Variants in PPM1E observed in about 807,000 individuals in gnomAD.
PPM1E encodes the protein protein phosphatase 1E.
A neutral mutation model predicts 65.9 loss-of-function variants in PPM1E; 20 were observed. That is an observed-to-expected ratio of 0.30 (90% CI 0.21 to 0.44). PPM1E has a LOEUF of 0.44. Among genes scored for constraint, PPM1E ranks in the 20% least tolerant of loss-of-function variants. PPM1E has a pLI of 1.00. For missense variants in PPM1E, 713 were observed against 953.1 expected (o/e 0.75, Z 3.32); for synonymous variants, 352 against 374.9 (o/e 0.94, Z 0.70).
At chr17:58,805,974 C>CAAA (rs1341289870) in intron 1 of PPM1E, among the ~76,000 whole-genome samples, 1 of 74,030 alleles carries the variant, frequency 1.4e-5, no homozygotes, top group African/African-American at 5.9e-5. Flanking sequence ...AAAAAAAAAA[C>CAAA]AAAAAAAAAA....
intron 1 of PPM1E, 63 bp downstream of exon 1, chr17:58,756,524 G>A: frequency 1.6e-6 from 2 of 1,257,808 alleles, no homozygotes; most frequent in Non-Finnish European, 2.0e-6. Flanking sequence ...CCTCGGACGC[G>A]GCTCCCTCGG....
chr17:58,977,440 CAA>C (rs1282159101), intron 6 of PPM1E, among the ~76,000 whole-genome samples: 27 of 62,004 alleles, frequency 4.4e-4, no homozygotes, highest in Non-Finnish European at 4.4e-4. Flanking sequence ...GACTCTGTCT[CAA>C]AAAAAAAAAA....
At chr17:58,843,356 T>A (rs2050739446) in intron 1 of PPM1E, among the ~76,000 whole-genome samples, 1 of 148,646 alleles carries the variant, frequency 6.7e-6, no homozygotes, top group Non-Finnish European at 1.5e-5. Context: ...TAAATAAAAA[T>A]TAAAATAAAA....
In PPM1E at chr17:58,967,803, C is replaced by CTTTTTTTTTTTT. The variant is rs1164198879; in HGVS notation, c.784-1732_784-1721dup. On this transcript the variant is annotated intron_variant, in intron 3 of 6. Coordinates refer to ENST00000308249, the MANE Select transcript of PPM1E (RefSeq NM_014906.5). ...TTCTACCTGTCAGCATTCTTTATTT[C>CTTTTTTTTTTTT]TTTTTTTTTTTTTTTGAAACGGAGT... 1.4e-5 allele frequency among the ~76,000 whole-genome samples: 2 copies of CTTTTTTTTTTTT among 138,054 alleles called. 1 individual carries two copies. The allele number at this position is 138,054 out of a possible 152,430, so 90.6% of individuals were successfully genotyped here. A position where few individuals can be genotyped will look rare whatever the true frequency, so the allele number is the denominator to read the frequency against.
chr17:58,898,710 A>G (rs2051456318), intron 1 of PPM1E, among the ~76,000 whole-genome samples: 1 of 152,216 alleles, frequency 6.6e-6, no homozygotes, highest in East Asian at 1.9e-4. Context: ...ACATGCACAC[A>G]TATGTTTATT....
At chr17:58,881,686 A>G (rs761102509) in intron 1 of PPM1E, among the ~76,000 whole-genome samples, 7 of 151,584 alleles carry the variant, frequency 4.6e-5, no homozygotes, top group Non-Finnish European at 7.4e-5. Context: ...AAAAAACAAA[A>G]CATAAAAATT....
Position 58,756,576 on chromosome 17 carries a change from C to T in PPM1E, c.464+115C>T, listed in dbSNP as rs556425986. On this transcript the variant is annotated intron_variant, in intron 1 of 6. Transcript: ENST00000308249. ...CTTTTCTGCTCCTCTCCCCCGCACC[C>T]GCGCCTGCCGCCGCTGAAAGCGCCC... 3.2e-5 allele frequency: 37 copies of T among 1,166,546 alleles called. 2 individuals carry two copies. The South Asian group carries it at 1.2e-3, about 39-fold the overall frequency. The allele number at this position is 1,166,546 out of a possible 1,614,324, so 72.3% of individuals were successfully genotyped here. A position where few individuals can be genotyped will look rare whatever the true frequency, so the allele number is the denominator to read the frequency against.
chr17:58,757,616 A>G (rs1469609098), intron 1 of PPM1E, among the ~76,000 whole-genome samples: 1 of 152,204 alleles, frequency 6.6e-6, no homozygotes, highest in Non-Finnish European at 1.5e-5. Context: ...TCAAAAGCCT[A>G]AAGAAAAGAA....
chr17:58,929,434 T>C (rs2051864915), intron 1 of PPM1E, among the ~76,000 whole-genome samples: 1 of 152,204 alleles, frequency 6.6e-6, no homozygotes, highest in East Asian at 1.9e-4. Flanking sequence ...ATGTGTTTTA[T>C]TATATGTAAA....
intron 1 of PPM1E, among the ~76,000 whole-genome samples, chr17:58,778,923 CATACATAT>C (rs1371418312): frequency 4.9e-5 from 3 of 61,778 alleles, no homozygotes; most frequent in African/African-American, 2.0e-4. Context: ...TGAGATGATA[CATACATAT>C]ATATATATAT....
chr17:58,852,171 C>T (rs958480436), intron 1 of PPM1E, among the ~76,000 whole-genome samples: 1 of 152,098 alleles, frequency 6.6e-6, no homozygotes, highest in South Asian at 2.1e-4. Context: ...TTCCAGGTAC[C>T]ATCTGTCACG....
At chr17:58,921,933 G>A (rs909398708) in intron 1 of PPM1E, among the ~76,000 whole-genome samples, 6 of 151,632 alleles carry the variant, frequency 4.0e-5, no homozygotes, top group African/African-American at 1.2e-4. Context: ...CCAGCTACTC[G>A]GGAGGCTGAG....
chr17:58,889,852 G>T (rs1567865517), intron 1 of PPM1E, among the ~76,000 whole-genome samples: 1 of 152,114 alleles, frequency 6.6e-6, no homozygotes, highest in Non-Finnish European at 1.5e-5. Flanking sequence ...GGTTTTAAAG[G>T]CTATGCATAA....
intron 1 of PPM1E, among the ~76,000 whole-genome samples, chr17:58,791,278 A>G (rs73993810): frequency 0.019 from 2,966 of 152,208 alleles, 98 homozygotes; most frequent in African/African-American, 0.068. Context: ...CAGAATGTAA[A>G]TTATCAGATT....
intron 2 of PPM1E, among the ~76,000 whole-genome samples, chr17:58,959,142 C>T (rs746169861): frequency 1.3e-5 from 2 of 151,676 alleles, no homozygotes; most frequent in Non-Finnish European, 2.9e-5. Context: ...AACCCCATCT[C>T]TACTAAAAAT....
chr17:58,940,990 C>T (rs375009946), intron 1 of PPM1E, among the ~76,000 whole-genome samples: 3 of 152,304 alleles, frequency 2.0e-5, no homozygotes, highest in East Asian at 3.9e-4. Flanking sequence ...GGATTACAGG[C>T]GTGTGCCACC....
At chr17:58,910,219 G>T (rs1032767382) in intron 1 of PPM1E, among the ~76,000 whole-genome samples, 8 of 151,578 alleles carry the variant, frequency 5.3e-5, no homozygotes, top group African/African-American at 1.9e-4. Flanking sequence ...TTTCAGTTTT[G>T]GAGGTTTCTA....
At chr17:58,759,696 G>A (rs1182398443) in intron 1 of PPM1E, among the ~76,000 whole-genome samples, 1 of 152,196 alleles carries the variant, frequency 6.6e-6, no homozygotes, top group African/African-American at 2.4e-5. Context: ...CTTCCCAAGG[G>A]GGAAACCAAT....
At chr17:58,836,369 A>ACCT (rs2050656120) in intron 1 of PPM1E, among the ~76,000 whole-genome samples, 1 of 151,720 alleles carries the variant, frequency 6.6e-6, no homozygotes, top group Non-Finnish European at 1.5e-5. Flanking sequence ...GGTGGCTCAC[A>ACCT]CCTGCACTTT....
Sources: gnomAD v4.1 joint callset for allele counts (sites outside exome capture counted in the v4.1 genomes callset) on GRCh38, gnomAD v4.1.1 for gene constraint, MANE v1.5 for transcripts, NCBI Gene and HGNC (gene_info 2026-07-23, HGNC 2026-07-21) for gene names.